Variants in NEDD4L observed in about 807,000 individuals in gnomAD.
NEDD4L encodes E3 ubiquitin-protein ligase NEDD4-like.
In NEDD4L, 54 loss-of-function variants were observed where a neutral mutation model predicts 148.9. That is an observed-to-expected ratio of 0.36 (90% CI 0.29 to 0.45). The LOEUF (loss-of-function observed/expected upper bound fraction) is 0.45, where lower values mean the gene tolerates loss of function less well. Among genes scored for constraint, NEDD4L ranks in the 20% least tolerant of loss-of-function variants. The pLI is 1.00. For missense variants in NEDD4L, 856 were observed against 1,233.8 expected, an observed-to-expected ratio of 0.69 and a Z score of 4.59; for synonymous variants, 433 against 440.7, an observed-to-expected ratio of 0.98 and a Z score of 0.22.
intron 12 of NEDD4L, 104 bp from the exon 13 acceptor site, chr18:58,335,374 T>G: frequency 1.1e-6 from 1 of 901,536 alleles, no homozygotes; most frequent in Middle Eastern, 2.6e-4. Context: ...GATTCTGATC[T>G]CACGTCACCT....
intron 1 of NEDD4L, among the ~76,000 whole-genome samples, chr18:58,129,516 T>A (rs2031702635): frequency 6.6e-6 from 1 of 152,226 alleles, no homozygotes; most frequent in Non-Finnish European, 1.5e-5. Flanking sequence ...TCTACTTGCT[T>A]TCTGGCCCAT....
chr18:58,181,885 A>G (rs1599438825), intron 2 of NEDD4L, among the ~76,000 whole-genome samples: 2 of 152,318 alleles, frequency 1.3e-5, no homozygotes, highest in African/African-American at 4.8e-5. Flanking sequence ...TTAATGGAAC[A>G]ATCTGTGATG....
chr18:58,348,136 G>T (rs556785612), intron 16 of NEDD4L, among the ~76,000 whole-genome samples: 40 of 151,676 alleles, frequency 2.6e-4, no homozygotes, highest in African/African-American at 9.4e-4. Context: ...GGTAGCTAAG[G>T]CAGGCATGCA....
At chr18:58,181,955 T>C (rs1282100212) in intron 2 of NEDD4L, among the ~76,000 whole-genome samples, 1 of 152,168 alleles carries the variant, frequency 6.6e-6, no homozygotes, top group African/African-American at 2.4e-5. Flanking sequence ...TGTATTGTTA[T>C]CCCTTCCCTA....
At chr18:58,204,327 CA>C (rs887691978) in intron 2 of NEDD4L, among the ~76,000 whole-genome samples, 39 of 143,522 alleles carry the variant, frequency 2.7e-4, no homozygotes, top group South Asian at 4.4e-4. Flanking sequence ...GACTCCTTCT[CA>C]AAAAAAAAAA....
intron 5 of NEDD4L, among the ~76,000 whole-genome samples, chr18:58,290,006 AT>A (rs1236610086): frequency 7.2e-5 from 11 of 152,260 alleles, no homozygotes; most frequent in African/African-American, 2.2e-4. Flanking sequence ...AAAAAATGAT[AT>A]GTTTAATATT....
rs74183230 is a variant in NEDD4L, at chr18:58,056,894, C to CTTTTTTT, written c.48+12196_48+12202dup. ...CCATGCCCAGCCAGAGCTATGCCCT[C>CTTTTTTT]TTTTTTTTTTTTTTTTGTTTGTTTG... On this transcript the variant is annotated intron_variant, in intron 1 of 30. Coordinates refer to ENST00000400345, the MANE Select transcript of NEDD4L (RefSeq NM_001144967.3). Among the ~76,000 whole-genome samples the CTTTTTTT allele has an allele frequency of 0.01, 1,261 of 121,500 alleles. 45 individuals carry two copies. In the East Asian group the frequency reaches 0.12, roughly 11 times the overall value. 79.7% of individuals were successfully genotyped at this position (121,500 alleles called of 152,430 possible). A position where few individuals can be genotyped will look rare whatever the true frequency, so the allele number is the denominator to read the frequency against.
At chr18:58,371,254 T>C (rs541191502) in intron 23 of NEDD4L, among the ~76,000 whole-genome samples, 1 of 145,790 alleles carries the variant, frequency 6.9e-6, no homozygotes, top group Admixed American at 7.0e-5. Context: ...GAGGTTTCGC[T>C]ATGTTGGCCA....
Position 58,184,699 on chromosome 18 carries a change from T to C in NEDD4L, c.122+18838T>C, listed in dbSNP as rs539992047. Among the ~76,000 whole-genome samples, 62 of 152,116 alleles carry C rather than the reference T, an allele frequency of 4.1e-4. 2 individuals are homozygous for C. The South Asian group carries it at 0.011, about 26-fold the overall frequency. On this transcript the variant is annotated intron_variant, in intron 2 of 30. Coordinates refer to ENST00000400345, the MANE Select transcript of NEDD4L (RefSeq NM_001144967.3). Reference sequence around the variant, plus strand: ...ATCCCAGCACTTTGGGAGGCTGAGGTAGGCGGATCACGTGGTCAGGAGATC... The same window carrying C: ...ATCCCAGCACTTTGGGAGGCTGAGGCAGGCGGATCACGTGGTCAGGAGATC...
In NEDD4L at chr18:58,240,815, T is replaced by TTATGTATGTATG. The variant is rs61543959; in HGVS notation, c.123-4604_123-4593dup. Among the ~76,000 whole-genome samples the TTATGTATGTATG allele has an allele frequency of 5.2e-3, 790 of 150,902 alleles. 6 individuals carry two copies. Among genetic ancestry groups the TTATGTATGTATG allele is most frequent in the African/African-American group, 0.012 (495 of 41,010 alleles). On this transcript the variant is annotated intron_variant, in intron 2 of 30. Coordinates refer to ENST00000400345, the MANE Select transcript of NEDD4L (RefSeq NM_001144967.3). ...GGAGGATGATGGCGGCAGCTAACAT[T>TTATGTATGTATG]TATGTATGTATGTATGTATTTAGAG... is the stretch of plus-strand genomic sequence containing the variant.
At position 58,105,249 on chromosome 18, in the gene NEDD4L, G is replaced by A. The variant is rs146012146; in HGVS notation, c.49-60539G>A. Among the ~76,000 whole-genome samples the A allele has an allele frequency of 2.7e-3, 409 of 152,246 alleles. 4 individuals carry two copies. Among genetic ancestry groups the A allele is most frequent in the African/African-American group, 9.4e-3 (390 of 41,546 alleles). ...GGTATGATGCCTGAAGCCCAGAAAC[G>A]CATAATGGGCTGTGACAATGCTGTT... On this transcript the variant is annotated intron_variant, in intron 1 of 30. Coordinates refer to ENST00000400345, the MANE Select transcript of NEDD4L (RefSeq NM_001144967.3).
At position 58,314,311 on chromosome 18, in the gene NEDD4L, G is replaced by A. The variant is rs558752438; in HGVS notation, c.298-1671G>A. ...GTGTGCCTGTAGTCCCAATTACTCAGTAGGCTGAGGCAGGAGAATCGCTTT... is the reference window on the plus strand; with the variant it reads ...GTGTGCCTGTAGTCCCAATTACTCAATAGGCTGAGGCAGGAGAATCGCTTT... On this transcript the variant is annotated intron_variant, in intron 5 of 30. Coordinates refer to ENST00000400345, the MANE Select transcript of NEDD4L (RefSeq NM_001144967.3). Among the ~76,000 whole-genome samples the A allele has an allele frequency of 1.2e-4, 19 of 152,028 alleles. No homozygotes were observed. The East Asian group carries it at 2.9e-3, about 23-fold the overall frequency.
chr18:58,385,959 G>C (rs921802465), intron 26 of NEDD4L, among the ~76,000 whole-genome samples: 1 of 151,990 alleles, frequency 6.6e-6, no homozygotes, highest in African/African-American at 2.4e-5. Flanking sequence ...GAAGCCCGAG[G>C]GCTCAGAGCT....
chr18:58,320,358 C>T (rs1205626677), intron 6 of NEDD4L, among the ~76,000 whole-genome samples: 3 of 152,206 alleles, frequency 2.0e-5, no homozygotes, highest in Non-Finnish European at 2.9e-5. Flanking sequence ...GTTCCCTGTA[C>T]CCCAAGTCTC....
chr18:58,303,161 A>G (rs2056696507), intron 5 of NEDD4L, among the ~76,000 whole-genome samples: 1 of 152,242 alleles, frequency 6.6e-6, no homozygotes, highest in Non-Finnish European at 1.5e-5. Flanking sequence ...ATTGTAGCCC[A>G]TGTACACAGT....
At chr18:58,231,607 G>C (rs2045246613) in intron 2 of NEDD4L, among the ~76,000 whole-genome samples, 1 of 152,150 alleles carries the variant, frequency 6.6e-6, no homozygotes, top group Non-Finnish European at 1.5e-5. Context: ...TGGTCGCCCA[G>C]GCTGGAGTGC....
At chr18:58,381,372 T>C (rs982728470) in intron 24 of NEDD4L, among the ~76,000 whole-genome samples, 10 of 152,166 alleles carry the variant, frequency 6.6e-5, no homozygotes, top group African/African-American at 9.7e-5. Context: ...CCCCACTTTG[T>C]CTGTGGCCGA....
At position 58,367,806 on chromosome 18, in the gene NEDD4L, C is replaced by T. The variant is rs2046318200; in HGVS notation, c.2124C>T (p.Ser708=). The T allele has an allele frequency of 6.2e-7, 1 of 1,613,802 alleles. No individual in the cohort carries two copies. Among genetic ancestry groups the T allele is most frequent in the Non-Finnish European group, 8.5e-7 (1 of 1,179,712 alleles). The change falls in exon 22 of 31, where the codon TCC becomes TCT. Residue 708 remains serine, a synonymous_variant. Transcript: ENST00000400345. ...NSGLCNEDHL[S]YFTFIGRVAG... Reference sequence around the variant, plus strand: ...GCCTCTGTAATGAGGATCATTTGTCCTACTTCACTTTTATTGGAAGAGTTG... The same window carrying T: ...GCCTCTGTAATGAGGATCATTTGTCTTACTTCACTTTTATTGGAAGAGTTG...
chr18:58,300,556 A>G (rs1346310430), intron 5 of NEDD4L, among the ~76,000 whole-genome samples: 2 of 152,228 alleles, frequency 1.3e-5, no homozygotes, highest in African/African-American at 4.8e-5. Context: ...AGAGCGAAAG[A>G]CAGAATACGG....
Sources: gnomAD v4.1 joint callset for allele counts (sites outside exome capture counted in the v4.1 genomes callset) on GRCh38, gnomAD v4.1.1 for gene constraint, MANE v1.5 for transcripts, NCBI Gene and HGNC (gene_info 2026-07-23, HGNC 2026-07-21) for gene names.